PPM1L: variants seen among roughly 807,000 people sequenced by gnomAD.
PPM1L encodes the protein protein phosphatase 1L.
A neutral mutation model predicts 31.4 loss-of-function variants in PPM1L; 13 were observed. The ratio of observed to expected loss-of-function variants is 0.41; its 90% CI spans 0.27 to 0.66. The LOEUF (loss-of-function observed/expected upper bound fraction) is 0.66. PPM1L is among the 30% of genes least tolerant of loss of function. PPM1L has a pLI of 0.29. For missense variants in PPM1L, 326 were observed against 453.7 expected (o/e 0.72, Z 2.56); for synonymous variants, 184 against 175.4 (o/e 1.05, Z -0.39).
At chr3:160,890,258 C>T (rs2108045394) in intron 1 of PPM1L, among the ~76,000 whole-genome samples, 1 of 152,242 alleles carries the variant, frequency 6.6e-6, no homozygotes, top group African/African-American at 2.4e-5. Flanking sequence ...TCATCTCAGC[C>T]CAAAACTCCT....
chr3:160,861,812 G>A (rs1018669116), intron 1 of PPM1L, among the ~76,000 whole-genome samples: 4 of 152,186 alleles, frequency 2.6e-5, no homozygotes, highest in African/African-American at 4.8e-5. Flanking sequence ...ATTTGCTCGT[G>A]TTTTCCAGCT....
chr3:160,765,308 G>T (rs1211784661), intron 1 of PPM1L, among the ~76,000 whole-genome samples: 1 of 152,178 alleles, frequency 6.6e-6, no homozygotes, highest in Non-Finnish European at 1.5e-5. Flanking sequence ...TTTGGTTGAA[G>T]CCCTACAGAT....
chr3:160,806,757 G>A (rs541979129), intron 1 of PPM1L, among the ~76,000 whole-genome samples: 80 of 148,696 alleles, frequency 5.4e-4, no homozygotes, highest in Middle Eastern at 3.4e-3. Flanking sequence ...AAGAAAGAAA[G>A]AAAGAAAGAA....
chr3:161,053,163 T>C (rs763608713), intron 2 of PPM1L, among the ~76,000 whole-genome samples: 17 of 152,244 alleles, frequency 1.1e-4, no homozygotes, highest in Non-Finnish European at 1.9e-4. Flanking sequence ...TTATTTACCA[T>C]TAAAAGATAC....
chr3:160,856,849 A>G (rs538112133), intron 1 of PPM1L, among the ~76,000 whole-genome samples: 2 of 151,340 alleles, frequency 1.3e-5, no homozygotes, highest in South Asian at 4.2e-4. Flanking sequence ...TCTTTCTTTG[A>G]TTCTGTCCCT....
intron 1 of PPM1L, among the ~76,000 whole-genome samples, chr3:160,771,543 CT>C (rs745978148): frequency 0.044 from 3,424 of 77,294 alleles, 56 homozygotes; most frequent in Middle Eastern, 0.15. Context: ...AAGGCTGGCT[CT>C]TTTTTTTTTT....
chr3:160,846,709 A>C (rs1367464737), intron 1 of PPM1L, among the ~76,000 whole-genome samples: 1 of 152,032 alleles, frequency 6.6e-6, no homozygotes, highest in Non-Finnish European at 1.5e-5. Flanking sequence ...ACTCTTGAAA[A>C]AAATTTTAAT....
chr3:160,857,309 A>T (rs780759863), intron 1 of PPM1L, among the ~76,000 whole-genome samples: 3 of 152,138 alleles, frequency 2.0e-5, no homozygotes, highest in Non-Finnish European at 2.9e-5. Flanking sequence ...TTAGCCTCCG[A>T]AGTCCTTATG....
At chr3:160,816,568 T>C (rs1428934637) in intron 1 of PPM1L, among the ~76,000 whole-genome samples, 1 of 151,918 alleles carries the variant, frequency 6.6e-6, no homozygotes, top group East Asian at 1.9e-4. Flanking sequence ...GGTTCCTTAA[T>C]TTTATATTGA....
intron 1 of PPM1L, among the ~76,000 whole-genome samples, chr3:160,775,605 T>C (rs1235641857): frequency 6.6e-6 from 1 of 152,196 alleles, no homozygotes; most frequent in Non-Finnish European, 1.5e-5. Flanking sequence ...ACTCTATTTC[T>C]GGTGTGAGGC....
intron 2 of PPM1L, among the ~76,000 whole-genome samples, chr3:161,006,680 C>CTT (rs1180679318): frequency 0.018 from 2,111 of 118,842 alleles, 136 homozygotes; most frequent in East Asian, 0.053. Flanking sequence ...ACCGTCTTTC[C>CTT]TTTTTTTTTT....
intron 1 of PPM1L, among the ~76,000 whole-genome samples, chr3:160,916,493 T>C (rs1208256446): frequency 2.0e-5 from 3 of 152,192 alleles, no homozygotes; most frequent in Non-Finnish European, 4.4e-5. Flanking sequence ...ACATCTGCTA[T>C]GATATAGCTC....
chr3:161,011,230 C>T (rs1038795663), intron 2 of PPM1L, among the ~76,000 whole-genome samples: 3 of 152,212 alleles, frequency 2.0e-5, no homozygotes, highest in Non-Finnish European at 2.9e-5. Context: ...CAGCTTTCTA[C>T]ATATGGCAAG....
intron 1 of PPM1L, among the ~76,000 whole-genome samples, chr3:160,913,732 A>G (rs1397388048): frequency 6.6e-6 from 1 of 152,174 alleles, no homozygotes; most frequent in Non-Finnish European, 1.5e-5. Context: ...ATATGTCAGT[A>G]GTTCATTCCT....
chr3:160,961,668 G>A, intron 1 of PPM1L, 68 bp from the exon 2 acceptor site: 1 of 1,391,060 alleles, frequency 7.2e-7, no homozygotes, highest in South Asian at 1.5e-5. Flanking sequence ...TAGCACCTGA[G>A]GGTAAGTAAA....
intron 1 of PPM1L, among the ~76,000 whole-genome samples, chr3:160,816,393 G>A (rs559779515): frequency 3.3e-5 from 5 of 151,904 alleles, no homozygotes; most frequent in African/African-American, 1.2e-4. Flanking sequence ...TACGAAATGG[G>A]AAAGAACATT....
At chr3:160,972,093 C>A (rs1192876408) in intron 2 of PPM1L, among the ~76,000 whole-genome samples, 1 of 152,202 alleles carries the variant, frequency 6.6e-6, no homozygotes. Flanking sequence ...AACTGCAGCT[C>A]TCCAACTGAT....
chr3:161,012,501 C>T (rs1459964020), intron 2 of PPM1L, among the ~76,000 whole-genome samples: 2 of 151,618 alleles, frequency 1.3e-5, no homozygotes, highest in Admixed American at 6.6e-5. Flanking sequence ...TGTCTCTGCC[C>T]GGCTTTGGTA....
chr3:160,899,406 G>A (rs1336147660), intron 1 of PPM1L, among the ~76,000 whole-genome samples: 2 of 152,180 alleles, frequency 1.3e-5, no homozygotes, highest in African/African-American at 2.4e-5. Flanking sequence ...TTGAAAAGAT[G>A]TTGGGGAAGT....
Sources: gnomAD v4.1 joint callset for allele counts (sites outside exome capture counted in the v4.1 genomes callset) on GRCh38, gnomAD v4.1.1 for gene constraint, MANE v1.5 for transcripts, NCBI Gene and HGNC (gene_info 2026-07-23, HGNC 2026-07-21) for gene names.